Variants in CELF2 observed in about 807,000 individuals in gnomAD.
The protein encoded by CELF2 is CUGBP Elav-like family member 2.
In CELF2, 8 loss-of-function variants were observed where a neutral mutation model predicts 62.6. That is an observed-to-expected ratio of 0.13 (90% CI 0.07 to 0.23). The LOEUF (loss-of-function observed/expected upper bound fraction) is 0.23. Among genes scored for constraint, CELF2 ranks in the 10% least tolerant of loss-of-function variants. CELF2 has a pLI of 1.00. For missense variants in CELF2, 333 were observed against 671.0 expected (o/e 0.50, Z 5.56); for synonymous variants, 258 against 250.0 (o/e 1.03, Z -0.30).
chr10:10,724,669 A>AG, the CELF2 span, among the ~76,000 whole-genome samples: 3 of 149,570 alleles, frequency 2.0e-5, no homozygotes, highest in East Asian at 1.9e-4. Context: ...AAAAAAAAAA[A>AG]AGAAAAAAGA....
chr10:10,500,511 T>G, the CELF2 span, among the ~76,000 whole-genome samples: 4 of 152,184 alleles, frequency 2.6e-5, no homozygotes. Flanking sequence ...AAAGGTTTTA[T>G]AAAGCACAAA....
chr10:10,684,125 A>T, the CELF2 span, among the ~76,000 whole-genome samples: 2 of 152,206 alleles, frequency 1.3e-5, no homozygotes, highest in African/African-American at 4.8e-5. Flanking sequence ...GGATGAAGGG[A>T]TGAAGCACGG....
In CELF2 at chr10:11,106,207, TTTTATTTATTTATTTA is replaced by T. The variant is rs10624331; in HGVS notation, c.75-59251_75-59236del. Among the ~76,000 whole-genome samples the T allele has an allele frequency of 1.1e-4, 15 of 140,488 alleles. No homozygotes were observed. In the South Asian group the frequency reaches 1.2e-3, roughly 11 times the overall value. 92.2% of individuals were successfully genotyped at this position (140,488 alleles called of 152,430 possible). A position where few individuals can be genotyped will look rare whatever the true frequency, so the allele number is the denominator to read the frequency against. ...GGCACTTTTATTTTATTTTACTTTA[TTTTATTTATTTATTTA>T]TTTATTTATTTATTTATTTATTTAT... On this transcript the variant is annotated intron_variant, in intron 1 of 12. Coordinates refer to ENST00000633077, the MANE Select transcript of CELF2 (RefSeq NM_001326342.2).
At chr10:11,171,644 G>A (rs534898853) in intron 2 of CELF2, among the ~76,000 whole-genome samples, 35 of 152,332 alleles carry the variant, frequency 2.3e-4, no homozygotes, top group African/African-American at 8.2e-4. Flanking sequence ...GGTAGAGTGA[G>A]GGTAGGCCCT....
At chr10:10,895,394 A>T (rs939800932) in intron 1 of CELF2, among the ~76,000 whole-genome samples, 5 of 152,216 alleles carry the variant, frequency 3.3e-5, no homozygotes, top group African/African-American at 1.2e-4. Context: ...AATCTAGCTG[A>T]AGAGATTTCC....
chr10:11,003,498 T>A (rs2054729614), upstream of CELF2, among the ~76,000 whole-genome samples: 4 of 152,170 alleles, frequency 2.6e-5, no homozygotes, highest in South Asian at 8.3e-4. The surrounding 1 kb of genome is among the most constrained non-coding windows in gnomAD (Gnocchi z 4.4). Context: ...AGTCCAGTTA[T>A]CCCATTTTTA....
intron 1 of CELF2, among the ~76,000 whole-genome samples, chr10:10,821,654 TG>T (rs2131987042): frequency 1.3e-5 from 2 of 152,256 alleles, no homozygotes; most frequent in South Asian, 4.2e-4. Context: ...CTTGGTTTTT[TG>T]TTTTTTTAAG....
chr10:10,653,397 A>G, the CELF2 span, among the ~76,000 whole-genome samples: 1 of 148,520 alleles, frequency 6.7e-6, no homozygotes, highest in African/African-American at 2.5e-5. Flanking sequence ...TCTCCACCCC[A>G]AATCAACAGA....
At chr10:10,809,137 G>A (rs976067024) in intron 1 of CELF2, among the ~76,000 whole-genome samples, 2 of 152,070 alleles carry the variant, frequency 1.3e-5, no homozygotes, top group African/African-American at 4.8e-5. Context: ...AAAAAGAAGA[G>A]ATGCCATAGC....
rs983181746 is a variant in CELF2, at chr10:11,247,380, G to T, written c.355-1773G>T. 6.6e-6 allele frequency among the ~76,000 whole-genome samples: 1 copy of T among 152,208 alleles called. No individual in the cohort carries two copies. The highest frequency in any genetic ancestry group is 1.5e-5 in the Non-Finnish European group (1 of 68,038). On this transcript the variant is annotated intron_variant, in intron 3 of 12. Transcript: ENST00000633077. The surrounding 1 kb of genome is among the most constrained non-coding windows in gnomAD (Gnocchi z 5.4). ...GGGTCACTGCGGGGCTGCCCCGTGA[G>T]TTTCACATGCCGGCCCCCCTTCAGT...
chr10:10,632,339 T>C, the CELF2 span, among the ~76,000 whole-genome samples: 2 of 152,160 alleles, frequency 1.3e-5, no homozygotes, highest in Admixed American at 1.3e-4. Flanking sequence ...ACGCAGTGAT[T>C]CCTTTGACGT....
chr10:10,887,210 C>G (rs574537466), intron 1 of CELF2, among the ~76,000 whole-genome samples: 1 of 152,044 alleles, frequency 6.6e-6, no homozygotes, highest in Admixed American at 6.5e-5. Flanking sequence ...CAGATACAGG[C>G]ACATCATCCC....
the CELF2 span, among the ~76,000 whole-genome samples, chr10:10,789,832 T>C: frequency 1.4e-3 from 218 of 152,258 alleles, no homozygotes; most frequent in African/African-American, 5.1e-3. Flanking sequence ...CTTTAATAGA[T>C]CCATATATAT....
Position 11,075,699 on chromosome 10 carries a change from A to G in CELF2, c.74+57536A>G, listed in dbSNP as rs545515721. On this transcript the variant is annotated intron_variant, in intron 1 of 12. Transcript: ENST00000633077. The surrounding 1 kb of genome is among the most constrained non-coding windows in gnomAD (Gnocchi z 5.4). The stretch of plus-strand genomic sequence containing the variant: ...AAGTGTTTGCAGCCAAGCAGGTGAC[A>G]TTGAGAATGAAATGGGGGTGAGCAG... 4.6e-5 allele frequency among the ~76,000 whole-genome samples: 7 copies of G among 152,242 alleles called. No individual in the cohort carries two copies. In the East Asian group the frequency reaches 5.8e-4, roughly 13 times the overall value.
chr10:10,827,184 G>T (rs1231365399), intron 1 of CELF2, among the ~76,000 whole-genome samples: 1 of 152,096 alleles, frequency 6.6e-6, no homozygotes, highest in African/African-American at 2.4e-5. Flanking sequence ...GGGTACTGAA[G>T]GACTTATTCT....
At chr10:10,979,862 A>G (rs537116477) in intron 2 of CELF2, among the ~76,000 whole-genome samples, 1 of 152,268 alleles carries the variant, frequency 6.6e-6, no homozygotes, top group African/African-American at 2.4e-5. Flanking sequence ...AAGGAAAACT[A>G]TGTAATTGCA....
the CELF2 span, among the ~76,000 whole-genome samples, chr10:10,648,463 C>T: frequency 2.6e-5 from 4 of 152,164 alleles, no homozygotes; most frequent in Non-Finnish European, 4.4e-5. Flanking sequence ...ACTTATCGCT[C>T]ACTAGTTTCC....
the CELF2 span, among the ~76,000 whole-genome samples, chr10:10,641,387 T>C: frequency 6.6e-6 from 1 of 152,312 alleles, no homozygotes; most frequent in South Asian, 2.1e-4. Flanking sequence ...TAGAATGTAC[T>C]AAGTATTGTT....
chr10:10,727,499 G>A, the CELF2 span, among the ~76,000 whole-genome samples: 4 of 152,220 alleles, frequency 2.6e-5, no homozygotes, highest in Middle Eastern at 3.4e-3. Context: ...AAACAGGGCC[G>A]GGCGCGGTGG....
Sources: gnomAD v4.1 joint callset for allele counts (sites outside exome capture counted in the v4.1 genomes callset) on GRCh38, gnomAD v4.1.1 for gene constraint, Gnocchi (gnomAD v3.1) non-coding constraint, MANE v1.5 for transcripts, NCBI Gene and HGNC (gene_info 2026-07-23, HGNC 2026-07-21) for gene names.